The following CWC27 variants were observed in gnomAD, a reference collection of about 807,000 sequenced individuals.
The protein encoded by CWC27 is spliceosome-associated protein CWC27 homolog.
Under a neutral mutation model 63.6 loss-of-function variants are expected in CWC27, and 47 were observed. That is an observed-to-expected ratio of 0.74 (90% CI 0.58 to 0.94). CWC27 has a LOEUF of 0.94. Ranked by LOEUF, CWC27 falls within the 40% of genes least tolerant of loss-of-function variation. The pLI is 0.00. For synonymous variants in CWC27, 175 were observed against 179.8 expected, an observed-to-expected ratio of 0.97 and a Z score of 0.22; for missense variants, 495 against 554.3, an observed-to-expected ratio of 0.89 and a Z score of 1.07.
At chr5:64,988,164 T>C (rs1425040061) in intron 13 of CWC27, among the ~76,000 whole-genome samples, 1 of 152,202 alleles carries the variant, frequency 6.6e-6, no homozygotes, top group Non-Finnish European at 1.5e-5. Flanking sequence ...AAACTTTTAT[T>C]TGTATTTATT....
chr5:64,928,964 CTTTTTT>C (rs373815261), intron 11 of CWC27, among the ~76,000 whole-genome samples: 1 of 141,792 alleles, frequency 7.1e-6, no homozygotes, highest in Admixed American at 7.1e-5. Context: ...TAGGCTTTGT[CTTTTTT>C]TTTTTTGTAG....
At chr5:64,917,719 C>T (rs6879706) in intron 11 of CWC27, among the ~76,000 whole-genome samples, 14,308 of 152,152 alleles carry the variant, frequency 0.094, 2,051 homozygotes, top group African/African-American at 0.31. Flanking sequence ...ACATTTGTTT[C>T]TTCCTTCTCA....
At chr5:64,842,759 C>T (rs1745878291) in intron 10 of CWC27, among the ~76,000 whole-genome samples, 1 of 152,068 alleles carries the variant, frequency 6.6e-6, no homozygotes, top group Non-Finnish European at 1.5e-5. Flanking sequence ...CACCACCATG[C>T]CCGGCTTATT....
At chr5:64,978,624 C>T (rs1440967057) in intron 13 of CWC27, among the ~76,000 whole-genome samples, 20 of 124,560 alleles carry the variant, frequency 1.6e-4, no homozygotes, top group Admixed American at 3.4e-4. Flanking sequence ...TTTTTTTTGG[C>T]GGTGGGGGGG....
intron 10 of CWC27, among the ~76,000 whole-genome samples, chr5:64,815,592 A>G (rs10054270): frequency 6.6e-6 from 1 of 151,974 alleles, no homozygotes; most frequent in Non-Finnish European, 1.5e-5. Flanking sequence ...GTCTACATCT[A>G]TGACTATGTA....
At chr5:64,928,199 T>A (rs1238633249) in intron 11 of CWC27, among the ~76,000 whole-genome samples, 1 of 152,118 alleles carries the variant, frequency 6.6e-6, no homozygotes, top group Non-Finnish European at 1.5e-5. Context: ...TCACTGTGTT[T>A]CCTCAGTCTG....
chr5:64,902,293 G>A (rs987585762), intron 11 of CWC27, among the ~76,000 whole-genome samples: 2 of 152,128 alleles, frequency 1.3e-5, no homozygotes, highest in African/African-American at 4.8e-5. Context: ...TGGCTACAGT[G>A]TCACCAGGTG....
chr5:64,877,414 T>G (rs1473557985), intron 10 of CWC27, among the ~76,000 whole-genome samples: 1 of 151,956 alleles, frequency 6.6e-6, no homozygotes, highest in Non-Finnish European at 1.5e-5. Context: ...CATCTGGGTT[T>G]GTGTGTTGGG....
chr5:64,828,693 A>G (rs1195988183), intron 10 of CWC27, among the ~76,000 whole-genome samples: 2 of 152,238 alleles, frequency 1.3e-5, no homozygotes, highest in African/African-American at 4.8e-5. Context: ...TTTTATGAAT[A>G]GAAGATAAGT....
chr5:64,913,097 G>T (rs1394901434), intron 11 of CWC27, among the ~76,000 whole-genome samples: 1 of 152,078 alleles, frequency 6.6e-6, no homozygotes, highest in Non-Finnish European at 1.5e-5. Flanking sequence ...TTTTGGCTTA[G>T]CAATCAAAAT....
At chr5:64,975,325 A>G (rs1749209745) in intron 12 of CWC27, among the ~76,000 whole-genome samples, 1 of 152,148 alleles carries the variant, frequency 6.6e-6, no homozygotes, top group African/African-American at 2.4e-5. Context: ...GGAGCTTAGG[A>G]ATGTATTGTG....
At chr5:64,939,638 G>A (rs545095170) in intron 11 of CWC27, among the ~76,000 whole-genome samples, 4 of 152,366 alleles carry the variant, frequency 2.6e-5, no homozygotes, top group African/African-American at 7.2e-5. Context: ...AGCAGAGCTC[G>A]AGTGCTGTGC....
chr5:64,985,194 T>A (rs1407395152), intron 13 of CWC27, among the ~76,000 whole-genome samples: 1 of 152,226 alleles, frequency 6.6e-6, no homozygotes, highest in Non-Finnish European at 1.5e-5. Flanking sequence ...ATGGTAAATT[T>A]TGAAATGATT....
chr5:64,957,456 C>G (rs1214203622), intron 11 of CWC27, among the ~76,000 whole-genome samples: 1 of 152,138 alleles, frequency 6.6e-6, no homozygotes, highest in Non-Finnish European at 1.5e-5. Context: ...GGGGCAACAT[C>G]AATCAACCTG....
chr5:64,864,782 T>C (rs1315665865), intron 10 of CWC27, among the ~76,000 whole-genome samples: 1 of 152,128 alleles, frequency 6.6e-6, no homozygotes, highest in East Asian at 1.9e-4. Context: ...CAAATAATAA[T>C]TGTGTATACT....
chr5:64,953,213 C>T (rs1748743223), intron 11 of CWC27, among the ~76,000 whole-genome samples: 2 of 152,204 alleles, frequency 1.3e-5, no homozygotes, highest in African/African-American at 4.8e-5. Context: ...AAATATTTCT[C>T]AATGTTGGCT....
In CWC27 at chr5:64,960,360, G is replaced by A. The variant is rs191011474; in HGVS notation, c.1043-11343G>A. ...TTTTCCTGCTTTCGTTTTCTCATTG[G>A]CAAAATGAAGTTCATAACATATTTT... On this transcript the variant is annotated intron_variant, in intron 11 of 13. Coordinates refer to ENST00000381070, the MANE Select transcript of CWC27 (RefSeq NM_005869.4). 6.6e-5 allele frequency among the ~76,000 whole-genome samples: 10 copies of A among 152,020 alleles called. No individual in the cohort carries two copies. In the East Asian group the frequency reaches 1.9e-3, roughly 29 times the overall value.
At position 64,795,466 on chromosome 5, in the gene CWC27, G is replaced by A. The variant is rs111889269; in HGVS notation, c.670-4782G>A. On this transcript the variant is annotated intron_variant, in intron 7 of 13. Transcript: ENST00000381070. The stretch of plus-strand genomic sequence containing the variant: ...AGAAGTCTGCAATAGGTTTCACTGG[G>A]CTAAATATCAAGGCATTTGCAGGGA... Among the ~76,000 whole-genome samples the A allele has an allele frequency of 6.7e-3, 1,014 of 152,194 alleles. 10 individuals are homozygous for A. The highest frequency in any genetic ancestry group is 0.023 in the African/African-American group (960 of 41,548).
chr5:64,961,887 G>GAT (rs758791158), intron 11 of CWC27, among the ~76,000 whole-genome samples: 2 of 152,112 alleles, frequency 1.3e-5, no homozygotes, highest in African/African-American at 2.4e-5. Flanking sequence ...GTTCTTAGTA[G>GAT]ATATTCTTTT....
Sources: gnomAD v4.1 joint callset for allele counts (sites outside exome capture counted in the v4.1 genomes callset) on GRCh38, gnomAD v4.1.1 for gene constraint, MANE v1.5 for transcripts, NCBI Gene and HGNC (gene_info 2026-07-23, HGNC 2026-07-21) for gene names.